KPNA7: variants seen among roughly 807,000 people sequenced by gnomAD.
The protein encoded by KPNA7 is importin subunit alpha-8.
Under a neutral mutation model 53.7 loss-of-function variants are expected in KPNA7, and 54 were observed. The observed-to-expected ratio is 1.01, with a 90% CI of 0.81 to 1.26. The LOEUF (loss-of-function observed/expected upper bound fraction) is 1.26. KPNA7 is among the 50% of genes most tolerant of loss of function. The probability of loss-of-function intolerance (pLI) is 0.00; values close to 1 mark genes in which losing one functional copy is unlikely to be tolerated. For synonymous variants in KPNA7, 276 were observed against 259.3 expected (o/e 1.06, Z -0.62); for missense variants, 640 against 644.5 (o/e 0.99, Z 0.07).
chr7:99,205,016 G>A (rs925784098), intron 2 of KPNA7, among the ~76,000 whole-genome samples: 2 of 152,100 alleles, frequency 1.3e-5, no homozygotes, highest in Non-Finnish European at 2.9e-5. Flanking sequence ...TCTTTGGCAG[G>A]CCCTTCCTGT....
At chr7:99,151,233 T>C in the KPNA7 span, among the ~76,000 whole-genome samples, 1 of 152,144 alleles carries the variant, frequency 6.6e-6, no homozygotes, top group African/African-American at 2.4e-5. Flanking sequence ...GTCTGTCTGT[T>C]TAGCCTGCAT....
chr7:99,159,320 G>T, the KPNA7 span, among the ~76,000 whole-genome samples: 4 of 119,880 alleles, frequency 3.3e-5, no homozygotes, highest in East Asian at 1.1e-3. Flanking sequence ...CTTCACTCCA[G>T]CCTGGGTGAC....
the KPNA7 span, among the ~76,000 whole-genome samples, chr7:99,165,190 T>C: frequency 1.1e-3 from 172 of 152,062 alleles, no homozygotes; most frequent in African/African-American, 3.7e-3. Context: ...TGGGATCACT[T>C]GTTGGAATGG....
At chr7:99,209,630 C>T (rs2150783902), upstream of KPNA7, among the ~76,000 whole-genome samples, 1 of 130,946 alleles carries the variant, frequency 7.6e-6, no homozygotes, top group South Asian at 2.4e-4. Context: ...TTGCCGTGAG[C>T]CAAGATCGCA....
At chr7:99,177,438 C>T (rs1057275339) in intron 10 of KPNA7, among the ~76,000 whole-genome samples, 3 of 151,948 alleles carry the variant, frequency 2.0e-5, no homozygotes, top group East Asian at 3.9e-4. Flanking sequence ...AGCTGGGCGT[C>T]GTAGTACATC....
At position 99,181,939 on chromosome 7, in the gene KPNA7, C is replaced by A; in HGVS notation, c.1261G>T (p.Ala421Ser). 6.4e-7 allele frequency: 1 copy of A among 1,551,412 alleles called. No homozygotes were observed. Among genetic ancestry groups the A allele is most frequent in the Non-Finnish European group, 8.7e-7 (1 of 1,146,734 alleles). ...VLEPLVNLLT[A>S]PDVKIVLIIL... ...ATGAGAACAATTTTAACATCTGGGG[C>A]AGTGAGCAGATTCACCAGTGGCTCC... is the stretch of plus-strand genomic sequence containing the variant. Residue 421 changes from alanine (A) to serine (S), a missense_variant, in exon 9 of 11, where the codon GCC (alanine) becomes TCC (serine). Ala to Ser is a moderately conservative substitution (Grantham distance 99). Transcript: ENST00000327442.
chr7:99,215,097 G>A (rs79951439), intron 1 of KPNA7, among the ~76,000 whole-genome samples: 9,253 of 152,032 alleles, frequency 0.061, 320 homozygotes, highest in South Asian at 0.16. Context: ...TTAGAAACTC[G>A]GCGCGGTGGC....
At chr7:99,210,640 A>G (rs1791042597), upstream of KPNA7, among the ~76,000 whole-genome samples, 1 of 152,122 alleles carries the variant, frequency 6.6e-6, no homozygotes, top group South Asian at 2.1e-4. Flanking sequence ...GCTGGAGTGC[A>G]ATAAATAGTG....
chr7:99,159,752 A>G, the KPNA7 span, among the ~76,000 whole-genome samples: 1 of 152,174 alleles, frequency 6.6e-6, no homozygotes, highest in Non-Finnish European at 1.5e-5. Flanking sequence ...ACCTCCATTC[A>G]ATGCTCAAGT....
At chr7:99,198,951 A>G (rs1790368363) in intron 3 of KPNA7, among the ~76,000 whole-genome samples, 1 of 151,862 alleles carries the variant, frequency 6.6e-6, no homozygotes, top group Non-Finnish European at 1.5e-5. Context: ...GTATCTTTAC[A>G]TGCTAGCAGT....
At chr7:99,218,919 G>A (rs1315745967) in intron 1 of KPNA7, among the ~76,000 whole-genome samples, 2 of 152,214 alleles carry the variant, frequency 1.3e-5, no homozygotes, top group Admixed American at 6.5e-5. Flanking sequence ...GCACACATTC[G>A]CACTTTCTCA....
upstream of KPNA7, among the ~76,000 whole-genome samples, chr7:99,210,882 G>A (rs1354904390): frequency 6.6e-6 from 1 of 151,878 alleles, no homozygotes; most frequent in African/African-American, 2.4e-5. Flanking sequence ...CACTGCACCT[G>A]GCCCCAACTT....
At chr7:99,157,856 C>T in the KPNA7 span, among the ~76,000 whole-genome samples, 1 of 152,134 alleles carries the variant, frequency 6.6e-6, no homozygotes, top group South Asian at 2.1e-4. Flanking sequence ...CTCACTGCAG[C>T]CTCGACCTCC....
At position 99,184,898 on chromosome 7, in the gene KPNA7, C is replaced by A. The variant is rs553266933; in HGVS notation, c.1134+31G>T. The A allele has an allele frequency of 5.2e-6, 8 of 1,531,890 alleles. No individual in the cohort carries two copies. In the Admixed American group the frequency reaches 1.6e-4, roughly 30 times the overall value. The allele number at this position is 1,531,890 out of a possible 1,614,324, so 94.9% of individuals were successfully genotyped here. On this transcript the variant is annotated intron_variant, in intron 8 of 10. Coordinates refer to ENST00000327442, the MANE Select transcript of KPNA7 (RefSeq NM_001145715.3). Reference sequence around the variant, plus strand: ...AACCCAGGGCTATTGGAAAGTAGTCCTTTGCCATGGTTGCTGTGTGCGCCA... The same window carrying A: ...AACCCAGGGCTATTGGAAAGTAGTCATTTGCCATGGTTGCTGTGTGCGCCA...
At chr7:99,198,481 G>A (rs1170573087) in intron 3 of KPNA7, among the ~76,000 whole-genome samples, 1 of 151,800 alleles carries the variant, frequency 6.6e-6, no homozygotes, top group Non-Finnish European at 1.5e-5. Context: ...GGTTTAACAT[G>A]TGAAAAAAAA....
the KPNA7 span, among the ~76,000 whole-genome samples, chr7:99,147,075 G>T: frequency 6.6e-6 from 1 of 152,028 alleles, no homozygotes; most frequent in Non-Finnish European, 1.5e-5. Context: ...TTCCTACCTG[G>T]AAGCTCATGT....
At chr7:99,205,016 G>C (rs925784098) in intron 2 of KPNA7, among the ~76,000 whole-genome samples, 1 of 152,100 alleles carries the variant, frequency 6.6e-6, no homozygotes, top group Non-Finnish European at 1.5e-5. Flanking sequence ...TCTTTGGCAG[G>C]CCCTTCCTGT....
chr7:99,183,395 T>TTA (rs539316193), intron 8 of KPNA7, among the ~76,000 whole-genome samples: 3 of 152,070 alleles, frequency 2.0e-5, no homozygotes, highest in Admixed American at 6.6e-5. Flanking sequence ...GACCTCAGCA[T>TTA]AAAAAACAAA....
At chr7:99,166,626 T>C in the KPNA7 span, among the ~76,000 whole-genome samples, 2 of 149,534 alleles carry the variant, frequency 1.3e-5, no homozygotes, top group East Asian at 2.0e-4. Context: ...TTCTATTTTA[T>C]TTATTTTTTT....
Sources: gnomAD v4.1 joint callset for allele counts (sites outside exome capture counted in the v4.1 genomes callset) on GRCh38, gnomAD v4.1.1 for gene constraint, MANE v1.5 for transcripts, NCBI Gene and HGNC (gene_info 2026-07-23, HGNC 2026-07-21) for gene names.